The following SAMD5 variants were observed in gnomAD, a reference collection of about 807,000 sequenced individuals.
The protein encoded by SAMD5 is sterile alpha motif domain containing 5.
Under a neutral mutation model 11.3 loss-of-function variants are expected in SAMD5, and 13 were observed. The observed-to-expected ratio is 1.15, with a 90% CI of 0.75 to 1.83. The LOEUF is 1.83. SAMD5 is among the 40% of genes most tolerant of loss of function. The pLI is 0.00. For synonymous variants in SAMD5, 129 were observed against 111.3 expected, an observed-to-expected ratio of 1.16 and a Z score of -1.00; for missense variants, 255 against 239.1, an observed-to-expected ratio of 1.07 and a Z score of -0.44.
chr6:147,532,970 C>A (rs1391318339), intron 1 of SAMD5, among the ~76,000 whole-genome samples: 1 of 152,052 alleles, frequency 6.6e-6, no homozygotes, highest in Non-Finnish European at 1.5e-5. Context: ...TAAATGTTAA[C>A]CAAAGTTCTT....
chr6:147,622,873 T>C (rs1489445884), intron 1 of SAMD5, among the ~76,000 whole-genome samples: 13 of 152,112 alleles, frequency 8.5e-5, no homozygotes, highest in Admixed American at 6.5e-5. Flanking sequence ...GAAAGGCACA[T>C]CTTACGTGGT....
chr6:147,535,666 T>C (rs1788497825), intron 1 of SAMD5, among the ~76,000 whole-genome samples: 1 of 152,212 alleles, frequency 6.6e-6, no homozygotes, highest in Non-Finnish European at 1.5e-5. Flanking sequence ...CTTTTTAAAT[T>C]GGCTTTGATA....
intron 1 of SAMD5, among the ~76,000 whole-genome samples, chr6:147,655,242 A>C (rs1790548583): frequency 6.6e-6 from 1 of 152,194 alleles, no homozygotes; most frequent in South Asian, 2.1e-4. Flanking sequence ...TTAACATGTA[A>C]GTGTAAAAAG....
the SAMD5 span, among the ~76,000 whole-genome samples, chr6:147,797,326 C>T: frequency 3.5e-5 from 5 of 142,518 alleles, 1 homozygote; most frequent in East Asian, 1.1e-3. Context: ...TTGAGATAAT[C>T]ATGTGGTTTT....
the SAMD5 span, among the ~76,000 whole-genome samples, chr6:147,852,809 C>T: frequency 6.6e-6 from 1 of 152,148 alleles, no homozygotes; most frequent in Non-Finnish European, 1.5e-5. Context: ...TGAACCAACA[C>T]ATGGCTCTTT....
At chr6:147,544,554 C>T (rs960175523) in intron 1 of SAMD5, among the ~76,000 whole-genome samples, 1 of 152,070 alleles carries the variant, frequency 6.6e-6, no homozygotes, top group African/African-American at 2.4e-5. Context: ...GTCCTTGTTA[C>T]CCTTTTGCAA....
At chr6:147,657,329 T>C (rs1020574624) in intron 1 of SAMD5, among the ~76,000 whole-genome samples, 2 of 152,164 alleles carry the variant, frequency 1.3e-5, no homozygotes, top group African/African-American at 4.8e-5. Flanking sequence ...GTCCTGAAGT[T>C]GATAACTGTA....
At chr6:147,750,695 C>T in the SAMD5 span, among the ~76,000 whole-genome samples, 2 of 152,296 alleles carry the variant, frequency 1.3e-5, no homozygotes, top group East Asian at 1.9e-4. Context: ...GAGGCCAAGG[C>T]GGTGGATCAC....
chr6:147,709,900 A>G (rs1791372741), intron 1 of SAMD5, among the ~76,000 whole-genome samples: 1 of 152,034 alleles, frequency 6.6e-6, no homozygotes, highest in Non-Finnish European at 1.5e-5. Flanking sequence ...CATACTTCTA[A>G]AGCACAATTG....
intron 1 of SAMD5, among the ~76,000 whole-genome samples, chr6:147,651,579 TGAG>T (rs1256721474): frequency 6.6e-6 from 1 of 152,158 alleles, no homozygotes; most frequent in African/African-American, 2.4e-5. Flanking sequence ...TTCCACCGTG[TGAG>T]GACACAGTGA....
intron 1 of SAMD5, among the ~76,000 whole-genome samples, chr6:147,540,590 C>G (rs545411043): frequency 9.2e-5 from 14 of 152,272 alleles, no homozygotes; most frequent in Admixed American, 3.3e-4. Flanking sequence ...TTATGGGGGT[C>G]TTAAACCCAC....
At chr6:147,538,853 G>A (rs1272703012) in intron 1 of SAMD5, among the ~76,000 whole-genome samples, 5 of 151,954 alleles carry the variant, frequency 3.3e-5, no homozygotes, top group Non-Finnish European at 7.4e-5. Flanking sequence ...TGAACAAAAC[G>A]GCATTAAAGT....
the SAMD5 span, among the ~76,000 whole-genome samples, chr6:147,832,456 A>G: frequency 6.6e-6 from 1 of 152,130 alleles, no homozygotes; most frequent in African/African-American, 2.4e-5. Flanking sequence ...AATTCCCCCA[A>G]TATTCTACCA....
At chr6:147,611,577 A>G (rs1302751751) in intron 1 of SAMD5, among the ~76,000 whole-genome samples, 1 of 151,932 alleles carries the variant, frequency 6.6e-6, no homozygotes, top group Non-Finnish European at 1.5e-5. Flanking sequence ...AATCAAATAA[A>G]TAAATAAATA....
At chr6:147,816,301 AATATAT>A in the SAMD5 span, among the ~76,000 whole-genome samples, 3 of 66,358 alleles carry the variant, frequency 4.5e-5, no homozygotes, top group African/African-American at 2.0e-4. Context: ...AAAAAAAAAA[AATATAT>A]ATATATATAT....
At chr6:147,597,931 C>G (rs1357731108) in intron 1 of SAMD5, among the ~76,000 whole-genome samples, 1 of 152,132 alleles carries the variant, frequency 6.6e-6, no homozygotes, top group African/African-American at 2.4e-5. Context: ...GGCCGGGTCA[C>G]TCAGAGCACC....
intron 1 of SAMD5, among the ~76,000 whole-genome samples, chr6:147,529,386 A>G (rs1562313404): frequency 6.6e-6 from 1 of 152,156 alleles, no homozygotes. Flanking sequence ...ATTGGTCTTA[A>G]TCCAAGAGTT....
chr6:147,632,977 C>T (rs1208550238), intron 1 of SAMD5, among the ~76,000 whole-genome samples: 1 of 152,046 alleles, frequency 6.6e-6, no homozygotes, highest in African/African-American at 2.4e-5. Flanking sequence ...TATTAAGCAC[C>T]TTTGATGCCA....
rs1316249963 is a variant in SAMD5 at position 147,509,372 on chromosome 6, C to T, written c.444C>T (p.Pro148=). 2 of 1,559,420 alleles carry T rather than the reference C, an allele frequency of 1.3e-6. No homozygotes were observed. Among genetic ancestry groups the T allele is most frequent in the East Asian group, 2.5e-5 (1 of 39,968 alleles). The change falls in exon 1 of 2, where the codon CCC becomes CCT. Residue 148 remains proline, a synonymous_variant. Coordinates refer to ENST00000367474, the MANE Select transcript of SAMD5 (RefSeq NM_001030060.3). ...LVRDGIHLSK[P]PYSRKVPMAG... ...GTGACGGCATCCACCTGAGCAAGCC[C>T]CCGTACTCCCGCAAGGTAAGGAGGT... is the stretch of plus-strand genomic sequence containing the variant.
Sources: gnomAD v4.1 joint callset for allele counts (sites outside exome capture counted in the v4.1 genomes callset) on GRCh38, gnomAD v4.1.1 for gene constraint, MANE v1.5 for transcripts, NCBI Gene and HGNC (gene_info 2026-07-23, HGNC 2026-07-21) for gene names.